KCNIP4: variants seen among roughly 807,000 people sequenced by gnomAD.
KCNIP4 encodes the protein Kv channel-interacting protein 4.
In KCNIP4, 12 loss-of-function variants were observed where a neutral mutation model predicts 34.0. The observed-to-expected ratio is 0.35, with a 90% confidence interval of 0.23 to 0.57. The LOEUF (loss-of-function observed/expected upper bound fraction) is 0.57. KCNIP4 is among the 20% of genes least tolerant of loss of function. The pLI, the probability that KCNIP4 is intolerant of heterozygous loss-of-function variation, is 0.83. For synonymous variants in KCNIP4, 124 were observed against 102.2 expected, an observed-to-expected ratio of 1.21 and a Z score of -1.29; for missense variants, 238 against 311.7, an observed-to-expected ratio of 0.76 and a Z score of 1.78.
At chr4:21,595,039 G>A (rs1019336840) in intron 1 of KCNIP4, among the ~76,000 whole-genome samples, 1 of 152,022 alleles carries the variant, frequency 6.6e-6, no homozygotes, top group Non-Finnish European at 1.5e-5. Context: ...TTGTTACATA[G>A]GTATACATGT....
Position 21,232,710 on chromosome 4 carries a change from T to C in KCNIP4, c.62-350001A>G, listed in dbSNP as rs1758888108. Reference sequence around the variant, plus strand: ...AAGCATTCTTAGAGCACAGACCCTGTGCAAAGCGTTAAGAGTTATTCTTGC... The same window carrying C: ...AAGCATTCTTAGAGCACAGACCCTGCGCAAAGCGTTAAGAGTTATTCTTGC... On this transcript the variant is annotated intron_variant, in intron 1 of 8. Transcript: ENST00000382152. Among the ~76,000 whole-genome samples, 3 of 152,328 alleles carry C rather than the reference T, an allele frequency of 2.0e-5. No homozygotes were observed. The South Asian group carries it at 6.2e-4, about 32-fold the overall frequency.
chr4:20,972,916 A>T (rs192791019), intron 1 of KCNIP4, among the ~76,000 whole-genome samples: 1 of 152,214 alleles, frequency 6.6e-6, no homozygotes, highest in Non-Finnish European at 1.5e-5. Context: ...TAACTGAACT[A>T]CTACAATCTC....
In KCNIP4 at chr4:21,045,912, G is replaced by A. The variant is rs186617549; in HGVS notation, c.62-163203C>T. On this transcript the variant is annotated intron_variant, in intron 1 of 8. Transcript: ENST00000382152. Reference sequence around the variant, plus strand: ...CTGAGAAATTTGATAAACTCAGACCGATCCTGCCTTGTTTTGTGCTATGAG... The same window carrying A: ...CTGAGAAATTTGATAAACTCAGACCAATCCTGCCTTGTTTTGTGCTATGAG... Among the ~76,000 whole-genome samples, 41 of 152,236 alleles carry A rather than the reference G, an allele frequency of 2.7e-4. No individual in the cohort carries two copies. In the East Asian group the frequency reaches 6.9e-3, roughly 26 times the overall value.
rs911079487 is a variant in KCNIP4 at position 21,671,395 on chromosome 4, T to A, written c.61+277176A>T. Among the ~76,000 whole-genome samples the A allele has an allele frequency of 2.0e-5, 3 of 152,226 alleles. No homozygotes were observed. In the East Asian group the frequency reaches 5.8e-4, roughly 29 times the overall value. ...TAGTCTGTTTTTGGAAGACTTCTCC[T>A]GCATGGATGCCTAGTAATATTCCCA... is the stretch of plus-strand genomic sequence containing the variant. On this transcript the variant is annotated intron_variant, in intron 1 of 8. Coordinates refer to ENST00000382152, the MANE Select transcript of KCNIP4 (RefSeq NM_025221.6).
intron 1 of KCNIP4, among the ~76,000 whole-genome samples, chr4:21,360,129 G>A (rs1228980620): frequency 6.6e-6 from 1 of 152,012 alleles, no homozygotes; most frequent in African/African-American, 2.4e-5. Flanking sequence ...TTAGAATTAA[G>A]AGATATCTAA....
rs553988749 is a variant in KCNIP4 at position 21,130,799 on chromosome 4, C to A, written c.62-248090G>T. ...TTAAACATATGCATATATTATGACT[C>A]AGCAATTTCCCACTTAGACATCCAA... On this transcript the variant is annotated intron_variant, in intron 1 of 8. Transcript: ENST00000382152. 1.3e-4 allele frequency among the ~76,000 whole-genome samples: 20 copies of A among 152,262 alleles called. No homozygotes were observed. In the South Asian group the frequency reaches 3.7e-3, roughly 28 times the overall value.
chr4:21,088,121 G>C (rs1356092187), intron 1 of KCNIP4, among the ~76,000 whole-genome samples: 2 of 151,656 alleles, frequency 1.3e-5, no homozygotes, highest in African/African-American at 4.9e-5. Flanking sequence ...TGAAATGTTG[G>C]CCCCCTTCAA....
At chr4:20,742,592 A>G (rs912294772) in intron 5 of KCNIP4, among the ~76,000 whole-genome samples, 1 of 152,176 alleles carries the variant, frequency 6.6e-6, no homozygotes, top group Non-Finnish European at 1.5e-5. Context: ...TTTATGGCAA[A>G]CCCACAGCCA....
rs140971666 is a variant in KCNIP4 at position 21,508,119 on chromosome 4, G to C, written c.61+440452C>G. On this transcript the variant is annotated intron_variant, in intron 1 of 8. Coordinates refer to ENST00000382152, the MANE Select transcript of KCNIP4 (RefSeq NM_025221.6). The stretch of plus-strand genomic sequence containing the variant: ...GCATCTGCCCTTGAGGTTTGAATAG[G>C]TGATATTTATTTTGCTTGCAAAAAC... 4.6e-3 allele frequency among the ~76,000 whole-genome samples: 706 copies of C among 152,240 alleles called. 6 individuals are homozygous for C. Among genetic ancestry groups the C allele is most frequent in the African/African-American group, 0.016 (667 of 41,562 alleles).
chr4:21,476,807 T>C (rs1294798678), intron 1 of KCNIP4, among the ~76,000 whole-genome samples: 1 of 152,174 alleles, frequency 6.6e-6, no homozygotes, highest in Non-Finnish European at 1.5e-5. Flanking sequence ...AAAATAATTG[T>C]GTGTGTCCCT....
chr4:20,798,806 T>G (rs1713841782), intron 3 of KCNIP4, among the ~76,000 whole-genome samples: 1 of 152,150 alleles, frequency 6.6e-6, no homozygotes, highest in African/African-American at 2.4e-5. Flanking sequence ...CTGCAGCCTT[T>G]GTTATCAGAG....
intron 1 of KCNIP4, among the ~76,000 whole-genome samples, chr4:20,987,773 G>C (rs368189922): frequency 2.0e-5 from 3 of 151,938 alleles, no homozygotes; most frequent in East Asian, 3.9e-4. Flanking sequence ...GCCGAGGCAG[G>C]CGGATCACGA....
At chr4:21,212,034 G>T (rs2108979754) in intron 1 of KCNIP4, among the ~76,000 whole-genome samples, 1 of 152,326 alleles carries the variant, frequency 6.6e-6, no homozygotes, top group East Asian at 1.9e-4. Flanking sequence ...TTCCCTCTCA[G>T]ATGGCCCTGG....
At chr4:21,061,023 G>A (rs1394415078) in intron 1 of KCNIP4, among the ~76,000 whole-genome samples, 5 of 152,046 alleles carry the variant, frequency 3.3e-5, no homozygotes, top group African/African-American at 7.2e-5. Flanking sequence ...TTAAATGATC[G>A]AATAGAATTC....
chr4:21,603,746 C>T (rs938204179), intron 1 of KCNIP4, among the ~76,000 whole-genome samples: 20 of 151,686 alleles, frequency 1.3e-4, no homozygotes, highest in African/African-American at 4.8e-4. Flanking sequence ...GTCTGACTAG[C>T]GATGTGTCTT....
At chr4:21,216,028 C>A (rs1757551755) in intron 1 of KCNIP4, among the ~76,000 whole-genome samples, 1 of 152,198 alleles carries the variant, frequency 6.6e-6, no homozygotes, top group East Asian at 1.9e-4. Context: ...AGGAATCAAG[C>A]AATCCTCCAG....
chr4:20,890,492 T>C (rs962814055), intron 1 of KCNIP4, among the ~76,000 whole-genome samples: 6 of 152,196 alleles, frequency 3.9e-5, no homozygotes, highest in Admixed American at 3.9e-4. Context: ...GTATTACATA[T>C]ATTAGGTACT....
intron 1 of KCNIP4, among the ~76,000 whole-genome samples, chr4:21,323,688 G>A (rs948810815): frequency 4.6e-5 from 7 of 151,920 alleles, no homozygotes; most frequent in Non-Finnish European, 5.9e-5. Context: ...AGTAGCTTCC[G>A]TATCTTGGAT....
chr4:20,853,666 A>T (rs576291496), intron 2 of KCNIP4, among the ~76,000 whole-genome samples: 1 of 152,320 alleles, frequency 6.6e-6, no homozygotes, highest in Admixed American at 6.5e-5. Flanking sequence ...ATTAAACTAA[A>T]GAGCTTTTGC....
Sources: allele counts gnomAD v4.1 joint callset (sites outside exome capture counted in the v4.1 genomes callset), GRCh38; gene constraint gnomAD v4.1.1; transcripts MANE v1.5; gene names NCBI Gene and HGNC (gene_info 2026-07-23, HGNC 2026-07-21).